GPC6: variants seen among roughly 807,000 people sequenced by gnomAD.
The protein encoded by GPC6 is glypican-6.
In GPC6, 14 loss-of-function variants were observed where a neutral mutation model predicts 55.2. The ratio of observed to expected loss-of-function variants is 0.25; its 90% CI spans 0.17 to 0.40. GPC6 has a LOEUF of 0.40. Ranked by LOEUF, GPC6 falls within the 10% of genes least tolerant of loss-of-function variation. The pLI is 1.00. For missense variants in GPC6, 641 were observed against 708.5 expected (o/e 0.90, Z 1.08); for synonymous variants, 278 against 259.6 (o/e 1.07, Z -0.68).
chr13:93,283,589 A>G (rs1037458311), intron 1 of GPC6, among the ~76,000 whole-genome samples: 3 of 152,184 alleles, frequency 2.0e-5, no homozygotes, highest in African/African-American at 7.2e-5. Context: ...TTGGCAAAGA[A>G]CAAAACACCC....
chr13:93,256,550 C>A (rs1876959464), intron 1 of GPC6, among the ~76,000 whole-genome samples: 1 of 152,156 alleles, frequency 6.6e-6, no homozygotes, highest in Non-Finnish European at 1.5e-5. Context: ...GCATAGCCCT[C>A]AGTGCCTGGC....
intron 2 of GPC6, among the ~76,000 whole-genome samples, chr13:93,579,441 G>A (rs1876831985): frequency 6.6e-6 from 1 of 151,828 alleles, no homozygotes; most frequent in South Asian, 2.1e-4. Flanking sequence ...GAAGAAGAAG[G>A]AGGAGAAAAA....
intron 2 of GPC6, among the ~76,000 whole-genome samples, chr13:93,799,349 T>C (rs552614594): frequency 6.2e-4 from 95 of 152,344 alleles, no homozygotes; most frequent in South Asian, 5.4e-3. Flanking sequence ...TTAAATTTAA[T>C]ACATGCACTG....
intron 2 of GPC6, among the ~76,000 whole-genome samples, chr13:93,736,287 C>G (rs1158587228): frequency 2.0e-5 from 3 of 152,154 alleles, no homozygotes; most frequent in African/African-American, 7.2e-5. Flanking sequence ...GTGTGGGAAA[C>G]TTTAACAGCA....
intron 4 of GPC6, among the ~76,000 whole-genome samples, chr13:94,226,284 G>C (rs1275449734): frequency 6.6e-6 from 1 of 152,142 alleles, no homozygotes; most frequent in Admixed American, 6.6e-5. Flanking sequence ...GAAGTGCTGG[G>C]GGCAGGGATG....
intron 2 of GPC6, among the ~76,000 whole-genome samples, chr13:93,761,269 A>G (rs1884945963): frequency 6.6e-6 from 1 of 152,230 alleles, no homozygotes; most frequent in South Asian, 2.1e-4. Flanking sequence ...AGTGTGAAAT[A>G]TAACAAATAT....
intron 3 of GPC6, among the ~76,000 whole-genome samples, chr13:93,852,925 A>T (rs1396000830): frequency 6.6e-6 from 1 of 151,660 alleles, no homozygotes; most frequent in Non-Finnish European, 1.5e-5. Flanking sequence ...TATGTTCCTC[A>T]TCTTAGTATT....
chr13:93,711,343 A>G (rs887953369), intron 2 of GPC6, among the ~76,000 whole-genome samples: 17 of 151,698 alleles, frequency 1.1e-4, no homozygotes, highest in Admixed American at 9.9e-4. Context: ...TCATAAAACC[A>G]TCAGATCTCG....
chr13:93,848,638 G>A (rs1888284617), intron 3 of GPC6, among the ~76,000 whole-genome samples: 1 of 152,054 alleles, frequency 6.6e-6, no homozygotes, highest in African/African-American at 2.4e-5. Flanking sequence ...TGCTAGGCAT[G>A]GACTTTAAAT....
intron 3 of GPC6, among the ~76,000 whole-genome samples, chr13:94,022,167 G>A (rs1158563041): frequency 6.6e-6 from 1 of 151,862 alleles, no homozygotes; most frequent in Admixed American, 6.6e-5. Flanking sequence ...TCTTCATTTT[G>A]TACATTAGAT....
At chr13:93,893,570 G>A (rs557824653) in intron 3 of GPC6, among the ~76,000 whole-genome samples, 1 of 152,204 alleles carries the variant, frequency 6.6e-6, no homozygotes, top group African/African-American at 2.4e-5. Flanking sequence ...TGTTCAAGTT[G>A]TCCAATCAGC....
intron 4 of GPC6, among the ~76,000 whole-genome samples, chr13:94,271,680 T>C (rs552389855): frequency 1.3e-5 from 2 of 152,260 alleles, no homozygotes; most frequent in African/African-American, 4.8e-5. Flanking sequence ...ACCAAGCCCA[T>C]TGAAAATACT....
Position 93,545,294 on chromosome 13 carries a change from T to C in GPC6, c.192T>C (p.Tyr64=), listed in dbSNP as rs775977695. Residue 64 remains tyrosine (Y), a synonymous_variant, in exon 2 of 9, where the codon TAT becomes TAC. Coordinates refer to ENST00000377047, the MANE Select transcript of GPC6 (RefSeq NM_005708.5). Reference sequence around the variant, plus strand: ...ACTTAAGAATCTGTCCTCAGGAATATACATGCTGCACCACAGAAATGGAAG... The same window carrying C: ...ACTTAAGAATCTGTCCTCAGGAATACACATGCTGCACCACAGAAATGGAAG... ...GEHLRICPQE[Y]TCCTTEMEDK... 6 of 1,613,648 alleles carry C rather than the reference T, an allele frequency of 3.7e-6. No homozygotes were observed. The highest frequency in any genetic ancestry group is 1.7e-4 in the Middle Eastern group (1 of 6,060).
At chr13:93,984,084 A>AT (rs1261734067) in intron 3 of GPC6, among the ~76,000 whole-genome samples, 1 of 152,044 alleles carries the variant, frequency 6.6e-6, no homozygotes, top group African/African-American at 2.4e-5. Flanking sequence ...GACACTGTCC[A>AT]TTTTTTCAAA....
chr13:93,899,145 G>A (rs894354097), intron 3 of GPC6, among the ~76,000 whole-genome samples: 6 of 151,358 alleles, frequency 4.0e-5, no homozygotes, highest in South Asian at 4.2e-4. Context: ...TCAGTTATTC[G>A]GCCATTTAAT....
At chr13:93,325,050 G>A (rs894103504) in intron 1 of GPC6, among the ~76,000 whole-genome samples, 2 of 152,076 alleles carry the variant, frequency 1.3e-5, no homozygotes, top group East Asian at 1.9e-4. Flanking sequence ...AATTTTGTAG[G>A]CATTTCTCTA....
Position 93,752,440 on chromosome 13 carries a change from A to AT in GPC6, c.320-77712dup, listed in dbSNP as rs560293498. Among the ~76,000 whole-genome samples the AT allele has an allele frequency of 5.0e-4, 76 of 150,526 alleles. No individual in the cohort carries two copies. The East Asian group carries it at 0.014, about 28-fold the overall frequency. ...ACTGTTGCTTCTCTATGTGTTTTACATTAAAAAAAAAAAAGAAAAAAAAAG... is the reference window on the plus strand; with the variant it reads ...ACTGTTGCTTCTCTATGTGTTTTACATTTAAAAAAAAAAAAGAAAAAAAAAG... On this transcript the variant is annotated intron_variant, in intron 2 of 8. Coordinates refer to ENST00000377047, the MANE Select transcript of GPC6 (RefSeq NM_005708.5).
At chr13:93,808,855 G>C (rs1345346635) in intron 2 of GPC6, among the ~76,000 whole-genome samples, 3 of 152,142 alleles carry the variant, frequency 2.0e-5, no homozygotes, top group Non-Finnish European at 4.4e-5. Flanking sequence ...GAGATAACCA[G>C]TAAACAGCAA....
At chr13:94,184,217 G>C (rs923161670) in intron 4 of GPC6, among the ~76,000 whole-genome samples, 15 of 151,986 alleles carry the variant, frequency 9.9e-5, no homozygotes, top group African/African-American at 3.6e-4. Flanking sequence ...ATCAACCTTA[G>C]CTAAGAATTT....
Sources: allele counts gnomAD v4.1 joint callset (sites outside exome capture counted in the v4.1 genomes callset), GRCh38; gene constraint gnomAD v4.1.1; transcripts MANE v1.5; gene names NCBI Gene and HGNC (gene_info 2026-07-23, HGNC 2026-07-21).